The following DST variants were observed in gnomAD, a reference collection of about 807,000 sequenced individuals.
DST encodes the protein dystonin, also known as bullous pemphigoid antigen.
Under a neutral mutation model 875.2 loss-of-function variants are expected in DST, and 253 were observed. The ratio of observed to expected loss-of-function variants is 0.29; its 90% CI spans 0.26 to 0.32. DST has a LOEUF of 0.32. DST is among the 10% of genes least tolerant of loss of function. The pLI is 1.00. For missense variants in DST, 8,287 were observed against 9,111.6 expected (o/e 0.91, Z 3.68); for synonymous variants, 3,124 against 3,197.1 (o/e 0.98, Z 0.77).
chr6:56,950,739 C>T (rs1195821624), intron 2 of DST, among the ~76,000 whole-genome samples: 3 of 152,196 alleles, frequency 2.0e-5, no homozygotes, highest in African/African-American at 4.8e-5. Context: ...AATGAAGTTA[C>T]ACTGTTCAGG....
chr6:56,929,245 A>G (rs551904441), intron 2 of DST, among the ~76,000 whole-genome samples: 6 of 152,186 alleles, frequency 3.9e-5, no homozygotes, highest in Non-Finnish European at 8.8e-5. Flanking sequence ...TAACATTTGC[A>G]CACATGTAAA....
chr6:56,502,504 G>A (rs1286239167), intron 78 of DST, among the ~76,000 whole-genome samples: 2 of 152,012 alleles, frequency 1.3e-5, no homozygotes, highest in Non-Finnish European at 2.9e-5. Context: ...TAAAGACATA[G>A]GAGTAAAACC....
chr6:56,542,663 G>A (rs1284235017), intron 61 of DST: 1 of 152,830 alleles, frequency 6.5e-6, no homozygotes, highest in East Asian at 1.9e-4. Context: ...GGGCTAGAGA[G>A]AGACGGTGGC....
chr6:56,565,472 C>T (rs748093741), intron 55 of DST, among the ~76,000 whole-genome samples: 19 of 152,156 alleles, frequency 1.2e-4, no homozygotes, highest in Non-Finnish European at 2.6e-4. Flanking sequence ...ATGATACCAG[C>T]TCCTCTTTGT....
intron 5 of DST, among the ~76,000 whole-genome samples, chr6:56,705,770 C>T (rs2152884989): frequency 6.6e-6 from 1 of 152,276 alleles, no homozygotes; most frequent in Non-Finnish European, 1.5e-5. Flanking sequence ...GGCTCAATAG[C>T]TCTACCACAA....
At chr6:56,773,074 A>T (rs979116168) in intron 4 of DST, among the ~76,000 whole-genome samples, 2 of 152,082 alleles carry the variant, frequency 1.3e-5, no homozygotes, top group African/African-American at 4.8e-5. Context: ...CTGGAAACAG[A>T]TCCACTAACT....
At chr6:56,537,300 G>A (rs1198374328) in intron 61 of DST, among the ~76,000 whole-genome samples, 1 of 152,164 alleles carries the variant, frequency 6.6e-6, no homozygotes, top group African/African-American at 2.4e-5. Flanking sequence ...TACAGAAAAT[G>A]CTAAAGAGCA....
chr6:56,525,329 CAG>C (rs1418597392), intron 69 of DST, among the ~76,000 whole-genome samples: 2 of 152,174 alleles, frequency 1.3e-5, no homozygotes, highest in African/African-American at 2.4e-5. Context: ...TCTGTTTAAA[CAG>C]AGTCACACAA....
chr6:56,905,812 C>A (rs1041445686), intron 2 of DST, among the ~76,000 whole-genome samples: 1 of 152,108 alleles, frequency 6.6e-6, no homozygotes, highest in Non-Finnish European at 1.5e-5. Context: ...CCGCACCCAG[C>A]TAATTTTTAT....
chr6:56,565,803 C>T (rs796830618), intron 55 of DST, among the ~76,000 whole-genome samples: 12 of 152,324 alleles, frequency 7.9e-5, no homozygotes, highest in Middle Eastern at 3.4e-3. Flanking sequence ...CCCACAGCCA[C>T]CCCTTCCCCC....
chr6:56,625,203 A>G lies in DST; in HGVS notation c.4784T>C (p.Val1595Ala). 6.2e-7 allele frequency: 1 copy of G among 1,613,560 alleles called. No individual in the cohort carries two copies. Among genetic ancestry groups the G allele is most frequent in the African/African-American group, 1.3e-5 (1 of 74,988 alleles). The change falls in exon 35 of 104, where the codon GTG becomes GCG. Residue 1595 changes from valine (V) to alanine (A), a missense_variant. Val to Ala is a moderately conservative substitution (Grantham distance 64). Transcript: ENST00000680361. ...AMVDSQQKSP[V>A]KRRRMQSSAD... ...TGAACTCTGCATTCTTCGGCGTTTC[A>G]CTGGAGATTTTTGTTGTGAATCTAC...
chr6:56,696,401 A>T (rs1409646645), intron 9 of DST, among the ~76,000 whole-genome samples: 1 of 152,126 alleles, frequency 6.6e-6, no homozygotes, highest in Non-Finnish European at 1.5e-5. Context: ...ACCTCAGGTG[A>T]TCCACCTGCC....
chr6:56,464,750 T>A lies in DST; in HGVS notation c.22694A>T (p.His7565Leu). The A allele has an allele frequency of 6.3e-7, 1 of 1,593,710 alleles. No homozygotes were observed. Among genetic ancestry groups the A allele is most frequent in the Non-Finnish European group, 8.6e-7 (1 of 1,169,518 alleles). ...LVKNDPCRVH[H>L]HGSKMLRSES... The stretch of plus-strand genomic sequence containing the variant: ...CGAACGTAACATTTTACTCCCATGA[T>A]GATGAACTAGAAAAAATGACACAGG... Residue 7565 changes from histidine to leucine, a missense_variant, in exon 100 of 104, where the codon CAT becomes CTT. Physicochemically the swap from His to Leu is moderately conservative, Grantham distance 99 (BLOSUM62 -3). Around this residue, in one of 10 missense-constraint regions of DST, gnomAD observed 64 missense variants for 86.2 expected, o/e 0.74. Transcript: ENST00000680361.
chr6:56,503,628 C>CACACACAA (rs60758848), intron 78 of DST, among the ~76,000 whole-genome samples: 17 of 149,166 alleles, frequency 1.1e-4, no homozygotes, highest in African/African-American at 3.9e-4. Context: ...CACACACACA[C>CACACACAA]CCCATGTCCC....
intron 4 of DST, among the ~76,000 whole-genome samples, chr6:56,803,491 C>T (rs112329314): frequency 0.018 from 2,719 of 152,270 alleles, 66 homozygotes; most frequent in African/African-American, 0.061. Flanking sequence ...GTACAAGCAT[C>T]TTCCATTTAA....
intron 3 of DST, among the ~76,000 whole-genome samples, chr6:56,893,579 T>TA (rs1788897700): frequency 8.7e-5 from 6 of 69,194 alleles, no homozygotes; most frequent in Non-Finnish European, 1.6e-4. Context: ...TTTTTTTTTT[T>TA]TTTTTTTTAT....
chr6:56,944,444 A>G (rs1818358662), intron 2 of DST, among the ~76,000 whole-genome samples: 1 of 152,138 alleles, frequency 6.6e-6, no homozygotes, highest in South Asian at 2.1e-4. Context: ...TTCAAGAAAG[A>G]GCAAGAGTTA....
At chr6:56,896,662 G>A (rs1169873060) in intron 3 of DST, among the ~76,000 whole-genome samples, 2 of 152,234 alleles carry the variant, frequency 1.3e-5, no homozygotes, top group Non-Finnish European at 1.5e-5. Context: ...TCTTGCAGGA[G>A]TGAGGTGGTA....
In DST at chr6:56,953,676, A is replaced by C. The variant is rs1228710650; in HGVS notation, c.216+109T>G. 4.0e-6 allele frequency: 3 copies of C among 749,966 alleles called. No individual in the cohort carries two copies. In the African/African-American group the frequency reaches 5.6e-5, roughly 14 times the overall value. 46.5% of individuals were successfully genotyped at this position (749,966 alleles called of 1,614,324 possible). ...ATGCCACTTTCGGCTAGGGGACAGC[A>C]TGTTCGTCATTCAGTGTCCTACTGG... On this transcript the variant is annotated intron_variant, in intron 2 of 103. Coordinates refer to ENST00000680361, the MANE Select transcript of DST (RefSeq NM_001374736.1).
Sources: gnomAD v4.1 joint callset for allele counts (sites outside exome capture counted in the v4.1 genomes callset) on GRCh38, gnomAD v4.1.1 for gene constraint, gnomAD v4.1.1 regional missense constraint, MANE v1.5 for transcripts, NCBI Gene and HGNC (gene_info 2026-07-23, HGNC 2026-07-21) for gene names.